STK3: variants seen among roughly 807,000 people sequenced by gnomAD.
STK3 encodes serine/threonine-protein kinase 3.
In STK3, 41 loss-of-function variants were observed where a neutral mutation model predicts 58.0. The ratio of observed to expected loss-of-function variants is 0.71; its 90% CI spans 0.55 to 0.92. The LOEUF is 0.92. STK3 is among the 40% of genes least tolerant of loss of function. The pLI is 0.00. For missense variants in STK3, 479 were observed against 602.7 expected, an observed-to-expected ratio of 0.79 and a Z score of 2.15; for synonymous variants, 170 against 191.0, an observed-to-expected ratio of 0.89 and a Z score of 0.91.
intron 8 of STK3, among the ~76,000 whole-genome samples, chr8:98,561,075 G>T (rs1811977755): frequency 6.6e-6 from 1 of 151,972 alleles, no homozygotes; most frequent in Non-Finnish European, 1.5e-5. Context: ...GGAAGATTCA[G>T]TGTCCAATCT....
rs1398828027 is a variant in STK3 at position 98,428,402 on chromosome 8, G to C, written n.483+5725C>G. 2 of 1,614,036 alleles carry C rather than the reference G, an allele frequency of 1.2e-6. No homozygotes were observed. The highest frequency in any genetic ancestry group is 2.2e-5 in the East Asian group (1 of 44,884). The stretch of plus-strand genomic sequence containing the variant: ...AGAAGTGGGACGAGCAGAGTGACCA[G>C]GAGAGCACCACGTCTTCCTTCGATG... On this transcript the variant is annotated intron_variant and non_coding_transcript_variant, in intron 3 of 3. Transcript: ENST00000517832. The surrounding 1 kb of genome is among the most constrained non-coding windows in gnomAD (Gnocchi z 6.7).
chr8:98,538,862 C>A (rs1287449097), intron 9 of STK3, among the ~76,000 whole-genome samples: 1 of 152,146 alleles, frequency 6.6e-6, no homozygotes, highest in Admixed American at 6.5e-5. Context: ...ATACTCAGTG[C>A]CCACAGGGAA....
intron 6 of STK3, among the ~76,000 whole-genome samples, chr8:98,663,070 A>G (rs1822081312): frequency 6.6e-6 from 1 of 152,242 alleles, no homozygotes; most frequent in Admixed American, 6.5e-5. Context: ...AGCAAAAGAA[A>G]CTACCACCAG....
At chr8:98,839,672 C>T (rs1290162667) in intron 3 of STK3, among the ~76,000 whole-genome samples, 2 of 152,028 alleles carry the variant, frequency 1.3e-5, no homozygotes, top group Non-Finnish European at 2.9e-5. Context: ...AAAAAATTAT[C>T]CATGGAATAC....
At chr8:98,384,402 A>G (rs937423396) in intron 1 of STK3, among the ~76,000 whole-genome samples, 1 of 152,098 alleles carries the variant, frequency 6.6e-6, no homozygotes, top group South Asian at 2.1e-4. Context: ...TTTGTCTTTC[A>G]TTGCTTCGTT....
chr8:98,645,785 A>ATT (rs1820351280), intron 6 of STK3, among the ~76,000 whole-genome samples: 1 of 151,818 alleles, frequency 6.6e-6, no homozygotes, highest in South Asian at 2.1e-4. Context: ...TACTTTTCTA[A>ATT]TTATATATAT....
At chr8:98,531,385 A>G (rs1382524558) in intron 9 of STK3, among the ~76,000 whole-genome samples, 1 of 152,204 alleles carries the variant, frequency 6.6e-6, no homozygotes, top group African/African-American at 2.4e-5. Flanking sequence ...CTCACTGAGC[A>G]GTAACAGTCC....
At chr8:98,845,435 C>T (rs1587739969) in intron 3 of STK3, among the ~76,000 whole-genome samples, 1 of 152,206 alleles carries the variant, frequency 6.6e-6, no homozygotes, top group South Asian at 2.1e-4. Context: ...TCTTTTATAA[C>T]TGAGAATGCC....
chr8:98,478,683 A>C (rs7008395), intron 10 of STK3, among the ~76,000 whole-genome samples: 143,706 of 152,292 alleles, frequency 0.94, 67,887 homozygotes, highest in African/African-American at 0.96. Context: ...CGGAGCCTCT[A>C]AAATAAAGTG....
At chr8:98,634,307 T>G (rs1212934239) in intron 6 of STK3, among the ~76,000 whole-genome samples, 1 of 152,020 alleles carries the variant, frequency 6.6e-6, no homozygotes, top group Non-Finnish European at 1.5e-5. Context: ...GGCAACATGG[T>G]GAAACCCTGT....
downstream of STK3, among the ~76,000 whole-genome samples, chr8:98,454,437 GA>G (rs1276016135): frequency 6.6e-6 from 1 of 152,188 alleles, no homozygotes; most frequent in Non-Finnish European, 1.5e-5. Context: ...GGGTGTGGAT[GA>G]TAGGAGCAGG....
At chr8:98,893,421 GGAAAGAAAGAAA>G (rs1230218579) in intron 1 of STK3, among the ~76,000 whole-genome samples, 1,091 of 60,208 alleles carry the variant, frequency 0.018, 32 homozygotes, top group Non-Finnish European at 0.022. Context: ...AAGGAAGGAA[GGAAAGAAAGAAA>G]GAAAGAAAGA....
At chr8:98,824,508 T>C (rs1835122700) in intron 1 of STK3, among the ~76,000 whole-genome samples, 1 of 152,168 alleles carries the variant, frequency 6.6e-6, no homozygotes, top group South Asian at 2.1e-4. Context: ...GCCCAATGAG[T>C]AGAATGCAGG....
chr8:98,481,430 C>G (rs1364307759), intron 10 of STK3, among the ~76,000 whole-genome samples: 1 of 152,048 alleles, frequency 6.6e-6, no homozygotes, highest in African/African-American at 2.4e-5. Flanking sequence ...TAAAAAGTAA[C>G]ATCTTTTGTA....
At chr8:98,466,083 TC>T (rs1820441515) in intron 10 of STK3, among the ~76,000 whole-genome samples, 1 of 152,344 alleles carries the variant, frequency 6.6e-6, no homozygotes, top group African/African-American at 2.4e-5. Context: ...ACCTTTGATT[TC>T]TTATCTCAGC....
At chr8:98,393,104 T>C (rs1298796235), upstream of STK3, among the ~76,000 whole-genome samples, 1 of 152,160 alleles carries the variant, frequency 6.6e-6, no homozygotes, top group Non-Finnish European at 1.5e-5. Context: ...TGCAGGAGGC[T>C]AGGAAGGAGA....
chr8:98,441,033 T>C (rs1287130813), intron 1 of STK3, among the ~76,000 whole-genome samples: 1 of 152,186 alleles, frequency 6.6e-6, no homozygotes, highest in Non-Finnish European at 1.5e-5. Context: ...CTAGAGTCAT[T>C]GCATTTTAGT....
intron 4 of STK3, among the ~76,000 whole-genome samples, chr8:98,737,940 C>A (rs1221537912): frequency 6.6e-6 from 1 of 152,102 alleles, no homozygotes; most frequent in Non-Finnish European, 1.5e-5. Context: ...AAACTCCTGA[C>A]CTCAGGTGAT....
intron 1 of STK3, chr8:98,905,798 A>G (rs1838874205): frequency 2.6e-6 from 1 of 384,120 alleles, no homozygotes; most frequent in East Asian, 5.9e-5. Flanking sequence ...TAATTGAGCA[A>G]CGAACGATTC....
Sources: gnomAD v4.1 joint callset for allele counts (sites outside exome capture counted in the v4.1 genomes callset) on GRCh38, gnomAD v4.1.1 for gene constraint, Gnocchi (gnomAD v3.1) non-coding constraint, MANE v1.5 for transcripts, NCBI Gene and HGNC (gene_info 2026-07-23, HGNC 2026-07-21) for gene names.